Variants in EDARADD observed in about 807,000 individuals in gnomAD.
The protein encoded by EDARADD is ectodysplasin-A receptor-associated adapter protein.
In EDARADD, 20 loss-of-function variants were observed where a neutral mutation model predicts 25.6. The ratio of observed to expected loss-of-function variants is 0.78; its 90% CI spans 0.55 to 1.14. The LOEUF is 1.14. Ranked by LOEUF, EDARADD falls within the 50% of genes most tolerant of loss-of-function variation. EDARADD has a pLI of 0.00. For synonymous variants in EDARADD, 86 were observed against 94.4 expected (o/e 0.91, Z 0.52); for missense variants, 225 against 270.1 (o/e 0.83, Z 1.17).
chr1:236,392,741 G>T (rs1222083327), upstream of EDARADD, among the ~76,000 whole-genome samples: 6 of 152,066 alleles, frequency 3.9e-5, no homozygotes, highest in East Asian at 1.2e-3. Context: ...CATGATCTCA[G>T]CTCACTGATC....
At chr1:236,473,030 G>A (rs1659399529) in intron 5 of EDARADD, among the ~76,000 whole-genome samples, 1 of 152,098 alleles carries the variant, frequency 6.6e-6, no homozygotes, top group South Asian at 2.1e-4. Context: ...TTTTCTTCTT[G>A]AACTGTGTCA....
intron 4 of EDARADD, among the ~76,000 whole-genome samples, chr1:236,433,060 A>G (rs1658149722): frequency 6.6e-6 from 1 of 152,182 alleles, no homozygotes; most frequent in African/African-American, 2.4e-5. Flanking sequence ...GGATATATAT[A>G]TAGGAATTCT....
chr1:236,402,874 G>A lies in EDARADD; in HGVS notation c.62-6342G>A, dbSNP rs12136833. Among the ~76,000 whole-genome samples, 1,198 of 152,326 alleles carry A rather than the reference G, an allele frequency of 7.9e-3. 10 individuals carry two copies. The highest frequency in any genetic ancestry group is 9.1e-3 in the Non-Finnish European group (616 of 68,020). ...CCTAATGCCTTCCTCAGGGTTACTG[G>A]AAGGCTTAGCTGAGACTGTGTGTAA... On this transcript the variant is annotated intron_variant, in intron 1 of 5. Coordinates refer to ENST00000334232, the MANE Select transcript of EDARADD (RefSeq NM_145861.4).
chr1:236,447,170 C>CTTTCTT (rs1491458683), intron 4 of EDARADD, among the ~76,000 whole-genome samples: 29 of 93,708 alleles, frequency 3.1e-4, no homozygotes, highest in African/African-American at 9.1e-4. Flanking sequence ...CCCTCCCTCC[C>CTTTCTT]TCTTTCTTTC....
intron 5 of EDARADD, among the ~76,000 whole-genome samples, chr1:236,479,570 A>C (rs1171829788): frequency 1.3e-5 from 2 of 151,792 alleles, no homozygotes; most frequent in East Asian, 3.9e-4. Context: ...CTTAAGCTTC[A>C]TTGGAGTCTT....
Position 236,409,227 on chromosome 1 carries a change from A to G in EDARADD, c.73A>G (p.Lys25Glu). ...TGTTCTTTTTACAGATCATATGGTA[A>G]AGGAACCAGTGGAAGACACAGACCC... ...APGHQEDHMVKEPVEDTDPST... is the reference protein window; with the variant it reads ...APGHQEDHMVEEPVEDTDPST... Residue 25 changes from lysine (K) to glutamate (E), a missense_variant, in exon 2 of 6, where the codon AAG becomes GAG. By Grantham distance (56) the Lys-to-Glu change is moderately conservative. Coordinates refer to ENST00000334232, the MANE Select transcript of EDARADD (RefSeq NM_145861.4). 6.2e-7 allele frequency: 1 copy of G among 1,613,070 alleles called. No individual in the cohort carries two copies. Among genetic ancestry groups the G allele is most frequent in the Non-Finnish European group, 8.5e-7 (1 of 1,179,490 alleles).
intron 3 of EDARADD, among the ~76,000 whole-genome samples, chr1:236,360,551 T>TG (rs1667034646): frequency 6.8e-6 from 1 of 146,866 alleles, no homozygotes; most frequent in African/African-American, 2.6e-5. Flanking sequence ...TTTTTTTTTT[T>TG]TTTTTTTTTT....
At chr1:236,383,711 A>T (rs1667325192) in intron 3 of EDARADD, among the ~76,000 whole-genome samples, 1 of 152,132 alleles carries the variant, frequency 6.6e-6, no homozygotes, top group South Asian at 2.1e-4. Context: ...TTGGTCATTT[A>T]AAAATGTTTT....
rs1215106099 is a variant in EDARADD, at chr1:236,482,353, G to A, written c.352G>A (p.Asp118Asn). Reference protein sequence around the residue: ...RAPTISDLLNDQDLLDVIRIK... With the variant: ...RAPTISDLLNNQDLLDVIRIK... ...CCCCACCATAAGTGACTTGCTCAAT[G>A]ATCAGGACTTACTAGACGTGATCAG... The change falls in exon 6 of 6, where the codon GAT becomes AAT. Residue 118 changes from aspartate to asparagine, a missense_variant. Asp to Asn is a conservative substitution (Grantham distance 23). Transcript: ENST00000334232. 1 of 1,614,146 alleles carries A rather than the reference G, an allele frequency of 6.2e-7. No homozygotes were observed. The highest frequency in any genetic ancestry group is 8.5e-7 in the Non-Finnish European group (1 of 1,180,028).
At chr1:236,455,068 G>C (rs1169963414) in intron 4 of EDARADD, among the ~76,000 whole-genome samples, 2 of 152,078 alleles carry the variant, frequency 1.3e-5, no homozygotes, top group African/African-American at 4.8e-5. Context: ...AAATTAGCTG[G>C]GCGTGGTGGC....
upstream of EDARADD, chr1:236,394,203 A>G: frequency 1.9e-6 from 1 of 516,892 alleles, no homozygotes; most frequent in Admixed American, 3.2e-5. Context: ...CATGAGAAGT[A>G]CAGAAAGAAC....
intron 5 of EDARADD, among the ~76,000 whole-genome samples, chr1:236,479,489 T>C (rs977412484): frequency 1.3e-5 from 2 of 148,338 alleles, no homozygotes; most frequent in Admixed American, 1.4e-4. Flanking sequence ...AGCAAGACCC[T>C]GTCTCAAAAA....
intron 3 of EDARADD, among the ~76,000 whole-genome samples, chr1:236,414,918 C>T (rs1413397923): frequency 6.6e-6 from 1 of 152,126 alleles, no homozygotes; most frequent in Non-Finnish European, 1.5e-5. Flanking sequence ...TCTTTGGGCC[C>T]TGCTGCATCC....
chr1:236,429,640 C>T (rs1658043861), intron 4 of EDARADD, among the ~76,000 whole-genome samples: 1 of 151,998 alleles, frequency 6.6e-6, no homozygotes, highest in African/African-American at 2.4e-5. Flanking sequence ...CCACCTAGGC[C>T]TCCCAAAGTG....
intron 4 of EDARADD, among the ~76,000 whole-genome samples, chr1:236,438,922 C>T (rs1220223503): frequency 6.6e-6 from 1 of 152,184 alleles, no homozygotes; most frequent in Non-Finnish European, 1.5e-5. Context: ...TTTGGACAAA[C>T]GTCTGATGAC....
intron 3 of EDARADD, among the ~76,000 whole-genome samples, chr1:236,418,879 C>T (rs1344237956): frequency 6.6e-6 from 1 of 152,156 alleles, no homozygotes; most frequent in African/African-American, 2.4e-5. Flanking sequence ...TCTCATCCCG[C>T]TTGTTCAATA....
chr1:236,441,984 A>G (rs1335501245), intron 4 of EDARADD, among the ~76,000 whole-genome samples: 2 of 152,216 alleles, frequency 1.3e-5, no homozygotes, highest in South Asian at 2.1e-4. Context: ...AAGTGCTGAT[A>G]GAGAAGCTGC....
chr1:236,419,324 T>C (rs943100822), intron 3 of EDARADD, among the ~76,000 whole-genome samples: 10 of 151,866 alleles, frequency 6.6e-5, no homozygotes, highest in Non-Finnish European at 7.4e-5. Flanking sequence ...AGCCTGGGAG[T>C]TCGAGGCTGC....
At chr1:236,388,215 A>G (rs1415906050) in intron 3 of EDARADD, among the ~76,000 whole-genome samples, 1 of 152,086 alleles carries the variant, frequency 6.6e-6, no homozygotes, top group African/African-American at 2.4e-5. Context: ...CATATTCCAA[A>G]CACATACATG....
Sources: gnomAD v4.1 joint callset for allele counts (sites outside exome capture counted in the v4.1 genomes callset) on GRCh38, gnomAD v4.1.1 for gene constraint, MANE v1.5 for transcripts, NCBI Gene and HGNC (gene_info 2026-07-23, HGNC 2026-07-21) for gene names.